The following EBF1 variants were observed in gnomAD, a reference collection of about 807,000 sequenced individuals.
EBF1 encodes transcription factor COE1.
EBF1 carries 10 observed loss-of-function variants against 68.4 expected under a neutral mutation model. That is an observed-to-expected ratio of 0.15 (90% CI 0.09 to 0.25). The LOEUF (loss-of-function observed/expected upper bound fraction) is 0.25, where lower values mean the gene tolerates loss of function less well. Ranked by LOEUF, EBF1 falls within the 10% of genes least tolerant of loss-of-function variation. The pLI is 1.00. For missense variants in EBF1, 509 were observed against 794.4 expected (o/e 0.64, Z 4.32); for synonymous variants, 298 against 299.8 (o/e 0.99, Z 0.06).
chr5:159,010,392 G>A (rs1764403846), intron 6 of EBF1, among the ~76,000 whole-genome samples: 1 of 152,066 alleles, frequency 6.6e-6, no homozygotes, highest in African/African-American at 2.4e-5. Context: ...TTACACAATT[G>A]CTTCTTCTGT....
chr5:159,069,561 AC>A (rs1232553325), intron 6 of EBF1, among the ~76,000 whole-genome samples: 3 of 152,156 alleles, frequency 2.0e-5, no homozygotes, highest in African/African-American at 7.2e-5. Flanking sequence ...GGTCATCCTA[AC>A]CAGATATGGA....
intron 6 of EBF1, among the ~76,000 whole-genome samples, chr5:159,043,325 A>G (rs879909285): frequency 6.6e-6 from 1 of 152,112 alleles, no homozygotes; most frequent in Admixed American, 6.5e-5. Flanking sequence ...CATTTCCAGA[A>G]CCCTCAATAA....
At chr5:158,733,148 C>T (rs967869811) in intron 10 of EBF1, among the ~76,000 whole-genome samples, 1 of 152,142 alleles carries the variant, frequency 6.6e-6, no homozygotes, top group Admixed American at 6.5e-5. Context: ...ATGAGAGAGA[C>T]AGGAATGAGC....
At chr5:159,013,492 A>C (rs1457172450) in intron 6 of EBF1, among the ~76,000 whole-genome samples, 1 of 152,210 alleles carries the variant, frequency 6.6e-6, no homozygotes, top group African/African-American at 2.4e-5. Context: ...TTGAAGAGGC[A>C]GAGAGGCAAG....
At chr5:158,718,153 C>G (rs1761156726) in intron 11 of EBF1, among the ~76,000 whole-genome samples, 2 of 152,166 alleles carry the variant, frequency 1.3e-5, no homozygotes, top group African/African-American at 2.4e-5. Context: ...ATTGTTTGAG[C>G]TTCTTGTTGC....
chr5:159,082,403 G>A (rs1349216342), intron 5 of EBF1, among the ~76,000 whole-genome samples: 2 of 152,198 alleles, frequency 1.3e-5, no homozygotes, highest in Non-Finnish European at 2.9e-5. Flanking sequence ...ATCTTGGGGA[G>A]AGCAAGCTGT....
At chr5:158,940,755 A>C (rs1245167771) in intron 6 of EBF1, among the ~76,000 whole-genome samples, 482 of 6,436 alleles carry the variant, frequency 0.075, no homozygotes, top group Admixed American at 0.11. Context: ...CACCCCCTTC[A>C]CCCCACCGCC....
At chr5:158,920,726 G>A (rs897489126) in intron 6 of EBF1, among the ~76,000 whole-genome samples, 1 of 152,130 alleles carries the variant, frequency 6.6e-6, no homozygotes, top group African/African-American at 2.4e-5. Flanking sequence ...TTATAGGCAT[G>A]AGCCACTGCA....
At chr5:158,977,505 C>T (rs559013132) in intron 6 of EBF1, among the ~76,000 whole-genome samples, 34 of 152,222 alleles carry the variant, frequency 2.2e-4, no homozygotes, top group Non-Finnish European at 3.8e-4. Flanking sequence ...CAGAATATTC[C>T]TGATCATTTC....
At chr5:158,836,902 AT>A (rs1788940532) in intron 7 of EBF1, among the ~76,000 whole-genome samples, 1 of 152,172 alleles carries the variant, frequency 6.6e-6, no homozygotes, top group Non-Finnish European at 1.5e-5. Flanking sequence ...CTATTGATCT[AT>A]TTTAGGACCC....
chr5:159,078,047 C>G (rs1395048664), intron 5 of EBF1, among the ~76,000 whole-genome samples: 1 of 152,058 alleles, frequency 6.6e-6, no homozygotes, highest in African/African-American at 2.4e-5. Context: ...GGCTAGTGTT[C>G]TGCTTTATAT....
At chr5:158,811,049 G>A (rs1782553955) in intron 8 of EBF1, among the ~76,000 whole-genome samples, 1 of 152,096 alleles carries the variant, frequency 6.6e-6, no homozygotes, top group Non-Finnish European at 1.5e-5. Flanking sequence ...CATGCTGATG[G>A]CATCATATTC....
At chr5:158,742,054 C>A (rs1766526874) in intron 10 of EBF1, among the ~76,000 whole-genome samples, 1 of 152,204 alleles carries the variant, frequency 6.6e-6, no homozygotes, top group Non-Finnish European at 1.5e-5. Flanking sequence ...CCCAGGCAGT[C>A]TGCCTCGAGA....
At chr5:158,758,128 T>C (rs1431293454) in intron 10 of EBF1, among the ~76,000 whole-genome samples, 1 of 152,230 alleles carries the variant, frequency 6.6e-6, no homozygotes, top group African/African-American at 2.4e-5. Context: ...TTATTTATTT[T>C]CTCCATTATT....
At chr5:158,987,162 C>T (rs564245453) in intron 6 of EBF1, 1 of 152,294 alleles carries the variant, frequency 6.6e-6, no homozygotes, top group Non-Finnish European at 1.5e-5. Context: ...AAAATCCAGG[C>T]TTATGCATAT....
intron 10 of EBF1, 143 bp downstream of exon 10, chr5:158,777,270 T>G: frequency 1.0e-6 from 1 of 960,962 alleles, no homozygotes; most frequent in Non-Finnish European, 1.4e-6. Context: ...CCATGTTTGG[T>G]CATACATATG....
At chr5:158,752,914 G>GA (rs1244186195) in intron 10 of EBF1, among the ~76,000 whole-genome samples, 10 of 152,020 alleles carry the variant, frequency 6.6e-5, no homozygotes, top group African/African-American at 2.2e-4. Flanking sequence ...AAAGTTAAGT[G>GA]AAAAATGTGG....
At chr5:159,095,065 T>C (rs1403770177) in intron 4 of EBF1, among the ~76,000 whole-genome samples, 1 of 152,188 alleles carries the variant, frequency 6.6e-6, no homozygotes, top group African/African-American at 2.4e-5. Flanking sequence ...GGAGGGTTTT[T>C]GCAAAATATC....
At chr5:159,095,785 T>A in intron 3 of EBF1, 110 bp from the exon 4 acceptor site, 1 of 1,129,510 alleles carries the variant, frequency 8.9e-7, no homozygotes, top group Non-Finnish European at 1.3e-6. Flanking sequence ...CACACACATA[T>A]CACGAAAGGG....
Sources: gnomAD v4.1 joint callset for allele counts (sites outside exome capture counted in the v4.1 genomes callset) on GRCh38, gnomAD v4.1.1 for gene constraint, MANE v1.5 for transcripts, NCBI Gene and HGNC (gene_info 2026-07-23, HGNC 2026-07-21) for gene names.